RTL4: variants seen among roughly 807,000 people sequenced by gnomAD.
RTL4 encodes retrotransposon Gag-like protein 4.
A neutral mutation model predicts 5.3 loss-of-function variants in RTL4; 4 were observed. The observed-to-expected ratio is 0.75, with a 90% CI of 0.37 to 1.72. The LOEUF (loss-of-function observed/expected upper bound fraction) is 1.72, where lower values mean the gene tolerates loss of function less well. Ranked by LOEUF, RTL4 falls within the 40% of genes most tolerant of loss-of-function variation. RTL4 has a pLI of 0.04. For missense variants in RTL4, 260 were observed against 227.1 expected (o/e 1.14, Z -0.93); for synonymous variants, 98 against 87.3 (o/e 1.12, Z -0.68).
chrX:112,256,893 G>C, the RTL4 span, among the ~76,000 whole-genome samples: 2 of 111,608 alleles, frequency 1.8e-5, no homozygotes, highest in Non-Finnish European at 3.8e-5. Context: ...AGTTATAAAA[G>C]CTTGTAGTTT....
At chrX:112,145,311 G>A in the RTL4 span, among the ~76,000 whole-genome samples, 16 of 111,425 alleles carry the variant, frequency 1.4e-4, no homozygotes, top group Admixed American at 2.9e-4. Flanking sequence ...GAGCTCTATC[G>A]ATGCTTAATT....
the RTL4 span, among the ~76,000 whole-genome samples, chrX:112,257,214 T>G: frequency 9.0e-6 from 1 of 110,837 alleles, no homozygotes. Flanking sequence ...AAAGCTTTTT[T>G]TACATTTCAT....
the RTL4 span, among the ~76,000 whole-genome samples, chrX:112,113,476 C>T: frequency 1.8e-5 from 2 of 111,551 alleles, no homozygotes; most frequent in East Asian, 2.8e-4. Flanking sequence ...TGGTAACGGA[C>T]TTTGAGGACA....
the RTL4 span, among the ~76,000 whole-genome samples, chrX:112,193,148 A>T: frequency 9.0e-6 from 1 of 111,311 alleles, no homozygotes; most frequent in Non-Finnish European, 1.9e-5. Flanking sequence ...TAAATTTTTA[A>T]TTTTTATGGA....
the RTL4 span, among the ~76,000 whole-genome samples, chrX:112,169,058 TTC>T: frequency 1.1e-4 from 4 of 37,758 alleles, no homozygotes; most frequent in Non-Finnish European, 1.6e-4. Context: ...CTTTCTTTCT[TTC>T]TTTCTTTCTT....
the RTL4 span, among the ~76,000 whole-genome samples, chrX:112,361,674 A>G: frequency 2.3e-4 from 25 of 110,731 alleles, no homozygotes; most frequent in East Asian, 6.6e-3. Flanking sequence ...ACGTCTGGAC[A>G]ATCTCATGGA....
chrX:112,164,712 T>G, the RTL4 span, among the ~76,000 whole-genome samples: 2 of 112,142 alleles, frequency 1.8e-5, no homozygotes, highest in African/African-American at 6.5e-5. Context: ...TCCTGTTGGT[T>G]TATAACCCCT....
At chrX:112,105,425 G>T in the RTL4 span, among the ~76,000 whole-genome samples, 1 of 110,944 alleles carries the variant, frequency 9.0e-6, no homozygotes, top group African/African-American at 3.3e-5. Flanking sequence ...TTCTGTGAGG[G>T]ATATCATTGG....
At chrX:112,333,265 A>C in the RTL4 span, among the ~76,000 whole-genome samples, 8 of 111,115 alleles carry the variant, frequency 7.2e-5, no homozygotes, top group South Asian at 3.1e-3. Context: ...AAAGGGTATA[A>C]ATTTGCAGTT....
the RTL4 span, among the ~76,000 whole-genome samples, chrX:112,393,964 T>G: frequency 1.8e-5 from 2 of 111,887 alleles, no homozygotes; most frequent in Non-Finnish European, 3.8e-5. Context: ...TTTGGGTCTC[T>G]GCGTGTGCCA....
the RTL4 span, among the ~76,000 whole-genome samples, chrX:112,164,702 T>C: frequency 1.8e-4 from 20 of 112,006 alleles, no homozygotes; most frequent in Admixed American, 1.9e-3. Flanking sequence ...GCCTACTCTT[T>C]CCTGTTGGTT....
chrX:112,188,081 T>C, the RTL4 span, among the ~76,000 whole-genome samples: 4 of 111,686 alleles, frequency 3.6e-5, no homozygotes, highest in Admixed American at 2.9e-4. Context: ...TTACATACAA[T>C]ATTTTATTTA....
At chrX:112,354,287 A>T in the RTL4 span, among the ~76,000 whole-genome samples, 1 of 111,109 alleles carries the variant, frequency 9.0e-6, no homozygotes, top group Non-Finnish European at 1.9e-5. Context: ...ATGACAGTGG[A>T]CAATTTGCCT....
chrX:112,178,609 T>C, the RTL4 span, among the ~76,000 whole-genome samples: 1 of 111,831 alleles, frequency 8.9e-6, no homozygotes, highest in Non-Finnish European at 1.9e-5. Context: ...ACTGTTTGCT[T>C]AACTGATTTC....
chrX:112,249,718 G>T, the RTL4 span, among the ~76,000 whole-genome samples: 11 of 107,835 alleles, frequency 1.0e-4, no homozygotes, highest in South Asian at 4.1e-4. Flanking sequence ...ACTCTTCTGG[G>T]TCTGAACATC....
chrX:112,375,499 C>T, the RTL4 span, among the ~76,000 whole-genome samples: 7 of 111,354 alleles, frequency 6.3e-5, no homozygotes, highest in Non-Finnish European at 5.7e-5. Flanking sequence ...GCCAGGTGCT[C>T]ATTCACTACA....
At chrX:112,430,783 G>A in the RTL4 span, among the ~76,000 whole-genome samples, 2 of 111,306 alleles carry the variant, frequency 1.8e-5, no homozygotes, top group African/African-American at 3.3e-5. Flanking sequence ...TGTAGCGATG[G>A]AGTTTCACCA....
the RTL4 span, among the ~76,000 whole-genome samples, chrX:112,294,891 G>A: frequency 5.4e-4 from 60 of 112,006 alleles, no homozygotes; most frequent in Middle Eastern, 0.014. Context: ...ATGACCTCAT[G>A]TGTACATTCT....
chrX:112,233,378 T>TTC, the RTL4 span, among the ~76,000 whole-genome samples: 1 of 110,882 alleles, frequency 9.0e-6, no homozygotes, highest in Non-Finnish European at 1.9e-5. Flanking sequence ...CACATTTTTT[T>TTC]TTTCTGGCCT....
Sources: allele counts gnomAD v4.1 joint callset (sites outside exome capture counted in the v4.1 genomes callset), GRCh38; gene constraint gnomAD v4.1.1; transcripts MANE v1.5; gene names NCBI Gene and HGNC (gene_info 2026-07-23, HGNC 2026-07-21).